Variants in GPD1L observed in about 807,000 individuals in gnomAD.
GPD1L encodes the protein glycerol-3-phosphate dehydrogenase 1 like.
In GPD1L, 17 loss-of-function variants were observed where a neutral mutation model predicts 32.9. That is an observed-to-expected ratio of 0.52 (90% CI 0.35 to 0.78). The LOEUF is 0.78. Among genes scored for constraint, GPD1L ranks in the 30% least tolerant of loss-of-function variants. The probability of loss-of-function intolerance (pLI) is 0.01; values close to 1 mark genes in which losing one functional copy is unlikely to be tolerated. For synonymous variants in GPD1L, 187 were observed against 165.9 expected (o/e 1.13, Z -0.98); for missense variants, 361 against 447.8 (o/e 0.81, Z 1.75).
chr3:32,110,151 G>A (rs1032245228), intron 1 of GPD1L, among the ~76,000 whole-genome samples: 2 of 152,132 alleles, frequency 1.3e-5, no homozygotes, highest in East Asian at 3.9e-4. Flanking sequence ...ATCTCCTGAC[G>A]TCGTGATCTG....
At chr3:32,144,876 G>T (rs1198545334) in intron 4 of GPD1L, among the ~76,000 whole-genome samples, 2 of 151,222 alleles carry the variant, frequency 1.3e-5, no homozygotes, top group African/African-American at 4.9e-5. Flanking sequence ...GCTAATTTTT[G>T]AATTTTTTGT....
In GPD1L at chr3:32,159,421, G is replaced by A. The variant is rs55689071; in HGVS notation, c.853-147G>A. ...CAAGGTGGGAGGATTGCTTTAGGCC[G>A]CAAGTTCGAGGCCAGCCTGCACAGC... is the stretch of plus-strand genomic sequence containing the variant. On this transcript the variant is annotated intron_variant, in intron 6 of 7. Coordinates refer to ENST00000282541, the MANE Select transcript of GPD1L (RefSeq NM_015141.4). 0.11 allele frequency: 69,607 copies of A among 660,290 alleles called. 4,125 individuals are homozygous for A. Among genetic ancestry groups the A allele is most frequent in the African/African-American group, 0.15 (7,851 of 53,486 alleles). The allele number at this position is 660,290 out of a possible 1,614,324, so 40.9% of individuals were successfully genotyped here. A position where few individuals can be genotyped will look rare whatever the true frequency, so the allele number is the denominator to read the frequency against.
chr3:32,117,615 A>G (rs1356791399), intron 1 of GPD1L, among the ~76,000 whole-genome samples: 1 of 152,216 alleles, frequency 6.6e-6, no homozygotes, highest in Admixed American at 6.5e-5. Context: ...GGTGGCTGTT[A>G]GAATTTGCAC....
chr3:32,114,851 A>G (rs1289751931), intron 1 of GPD1L, among the ~76,000 whole-genome samples: 1 of 152,086 alleles, frequency 6.6e-6, no homozygotes, highest in East Asian at 1.9e-4. Flanking sequence ...AGTGAGTGTT[A>G]CAGCTCTTAA....
intron 1 of GPD1L, among the ~76,000 whole-genome samples, chr3:32,126,201 TTAAA>T (rs976297900): frequency 3.3e-5 from 5 of 152,152 alleles, no homozygotes; most frequent in East Asian, 1.9e-4. Context: ...TATCAATAAA[TTAAA>T]TAAATAAATA....
intron 4 of GPD1L, among the ~76,000 whole-genome samples, chr3:32,142,482 A>G (rs1373192030): frequency 2.0e-5 from 3 of 152,126 alleles, no homozygotes; most frequent in Non-Finnish European, 4.4e-5. Context: ...GAAAAAATTT[A>G]TTTATATTTG....
Position 32,139,708 on chromosome 3 carries a change from AT to A in GPD1L, c.367-516del, listed in dbSNP as rs760784481. On this transcript the variant is annotated intron_variant, in intron 3 of 7. Coordinates refer to ENST00000282541, the MANE Select transcript of GPD1L (RefSeq NM_015141.4). Reference sequence around the variant, plus strand: ...TAGACAAATGAAATGTGAACTATTCATTTTGGAATACTGTGCAGTAAGTGAA... The same window carrying A: ...TAGACAAATGAAATGTGAACTATTCATTTGGAATACTGTGCAGTAAGTGAA... Among the ~76,000 whole-genome samples the A allele has an allele frequency of 2.6e-3, 393 of 152,368 alleles. 2 individuals carry two copies. Among genetic ancestry groups the A allele is most frequent in the Non-Finnish European group, 1.6e-3 (109 of 68,036 alleles).
intron 1 of GPD1L, among the ~76,000 whole-genome samples, chr3:32,127,362 C>T (rs1297050008): frequency 6.6e-6 from 1 of 152,266 alleles, no homozygotes; most frequent in East Asian, 1.9e-4. Context: ...TCAGCAGCTT[C>T]TGTGAGATGG....
In GPD1L at chr3:32,121,291, CT is replaced by C. The variant is rs1407000459; in HGVS notation, c.48-6784del. On this transcript the variant is annotated intron_variant, in intron 1 of 7. Coordinates refer to ENST00000282541, the MANE Select transcript of GPD1L (RefSeq NM_015141.4). ...TCTCTCCTCTCTGGATGTGTTGGTT[CT>C]AGATAAAATCTGTGCCTATTGTTGG... Among the ~76,000 whole-genome samples the C allele has an allele frequency of 2.0e-5, 3 of 151,662 alleles. No homozygotes were observed. The East Asian group carries it at 5.8e-4, about 29-fold the overall frequency.
chr3:32,146,782 G>A lies in GPD1L; in HGVS notation c.618+48G>A, dbSNP rs201627355. 65 of 1,022,716 alleles carry A rather than the reference G, an allele frequency of 6.4e-5. No homozygotes were observed. The East Asian group carries it at 7.8e-4, about 12-fold the overall frequency. 63.4% of individuals were successfully genotyped at this position (1,022,716 alleles called of 1,614,324 possible). A position where few individuals can be genotyped will look rare whatever the true frequency, so the allele number is the denominator to read the frequency against. ...AGTTCATCAAGCAAGGCAAATGTTA[G>A]CATCATTGAGTCTAATCCTCAAGAA... On this transcript the variant is annotated intron_variant, in intron 5 of 7. Coordinates refer to ENST00000282541, the MANE Select transcript of GPD1L (RefSeq NM_015141.4).
chr3:32,160,269 G>A lies in GPD1L; in HGVS notation c.959+595G>A, dbSNP rs188503380. Among the ~76,000 whole-genome samples the A allele has an allele frequency of 5.4e-4, 76 of 140,586 alleles. 2 individuals carry two copies. In the East Asian group the frequency reaches 0.015, roughly 28 times the overall value. 92.2% of individuals were successfully genotyped at this position (140,586 alleles called of 152,430 possible). ...TGAGATAGATGGATGGATGGATGAT[G>A]GATGGGTGCATGGGTAGATGGGTGA... On this transcript the variant is annotated intron_variant, in intron 7 of 7. Transcript: ENST00000282541.
intron 1 of GPD1L, among the ~76,000 whole-genome samples, chr3:32,107,935 T>C (rs1482833404): frequency 2.0e-5 from 3 of 152,204 alleles, no homozygotes; most frequent in Non-Finnish European, 1.5e-5. Flanking sequence ...TAAGACTCTG[T>C]TGCAGTGGTG....
intron 4 of GPD1L, among the ~76,000 whole-genome samples, chr3:32,142,535 A>G (rs1700759589): frequency 6.6e-6 from 1 of 152,198 alleles, no homozygotes; most frequent in Non-Finnish European, 1.5e-5. Flanking sequence ...ATTCTTTTAC[A>G]GTAAATTCTT....
rs757663381 is a variant in GPD1L at position 32,159,547 on chromosome 3, AT to A, written c.853-20del. 3.0e-6 allele frequency: 4 copies of A among 1,342,638 alleles called. 1 individual carries two copies. In the African/African-American group the frequency reaches 5.7e-5, roughly 19 times the overall value. The allele number at this position is 1,342,638 out of a possible 1,614,324, so 83.2% of individuals were successfully genotyped here. A position where few individuals can be genotyped will look rare whatever the true frequency, so the allele number is the denominator to read the frequency against. On this transcript the variant is annotated intron_variant, in intron 6 of 7. Transcript: ENST00000282541. ...AGTCTTTACCATAGTTTTTTTAAAT[AT>A]ATAATCCTTTGTTTTTAAGACCATT...
At chr3:32,108,116 G>A (rs1359069620) in intron 1 of GPD1L, among the ~76,000 whole-genome samples, 1 of 152,186 alleles carries the variant, frequency 6.6e-6, no homozygotes, top group Non-Finnish European at 1.5e-5. Context: ...TTAACAACCA[G>A]GGCTGGGCGC....
chr3:32,123,495 C>T (rs1426622627), intron 1 of GPD1L, among the ~76,000 whole-genome samples: 1 of 152,016 alleles, frequency 6.6e-6, no homozygotes, highest in African/African-American at 2.4e-5. Flanking sequence ...CATTTGGTTT[C>T]GTGTGTATCC....
At position 32,159,048 on chromosome 3, in the gene GPD1L, TCAC is replaced by T; in HGVS notation, c.796_798del (p.Thr266del). ...GAGAGCTGCGGGGTGGCCGACCTGA[TCAC>T]CACCTGTTACGGAGGGCGGAACCGC... On this transcript the variant is annotated inframe_deletion, in exon 6 of 8. Coordinates refer to ENST00000282541, the MANE Select transcript of GPD1L (RefSeq NM_015141.4). The T allele has an allele frequency of 6.2e-7, 1 of 1,613,922 alleles. No homozygotes were observed. Among genetic ancestry groups the T allele is most frequent in the Non-Finnish European group, 8.5e-7 (1 of 1,180,044 alleles).
At chr3:32,143,872 C>T (rs1413522760) in intron 4 of GPD1L, among the ~76,000 whole-genome samples, 1 of 152,042 alleles carries the variant, frequency 6.6e-6, no homozygotes, top group East Asian at 1.9e-4. Context: ...GTCCCAGGTA[C>T]TCGAGAGCCT....
At chr3:32,117,009 G>A (rs956940293) in intron 1 of GPD1L, among the ~76,000 whole-genome samples, 19 of 152,092 alleles carry the variant, frequency 1.2e-4, no homozygotes, top group Middle Eastern at 3.2e-3. Context: ...GTGGCTATTC[G>A]GACTACATTT....
Sources: gnomAD v4.1 joint callset for allele counts (sites outside exome capture counted in the v4.1 genomes callset) on GRCh38, gnomAD v4.1.1 for gene constraint, MANE v1.5 for transcripts, NCBI Gene and HGNC (gene_info 2026-07-23, HGNC 2026-07-21) for gene names.